ADCY8: variants seen among roughly 807,000 people sequenced by gnomAD.
The protein encoded by ADCY8 is adenylate cyclase type 8.
In ADCY8, 51 loss-of-function variants were observed where a neutral mutation model predicts 119.7. The ratio of observed to expected loss-of-function variants is 0.43; its 90% CI spans 0.34 to 0.54. The LOEUF is 0.54. ADCY8 is among the 20% of genes least tolerant of loss of function. The probability of loss-of-function intolerance (pLI) is 0.03; values close to 1 mark genes in which losing one functional copy is unlikely to be tolerated. For synonymous variants in ADCY8, 665 were observed against 651.0 expected (o/e 1.02, Z -0.33); for missense variants, 1,383 against 1,598.8 (o/e 0.87, Z 2.30).
rs112201208 is a variant in ADCY8 at position 130,976,284 on chromosome 8, G to A, written c.1110+14109C>T. On this transcript the variant is annotated intron_variant, in intron 2 of 17. Transcript: ENST00000286355. ...AAGGCCTTAGAAGGGGCTTGCGAGT[G>A]AAGGCCTTTGAAGCTTAACCATCAT... 4.0e-3 allele frequency among the ~76,000 whole-genome samples: 612 copies of A among 152,298 alleles called. 3 individuals are homozygous for A. The highest frequency in any genetic ancestry group is 0.014 in the African/African-American group (591 of 41,550).
intron 13 of ADCY8, among the ~76,000 whole-genome samples, chr8:130,815,867 A>G (rs575752329): frequency 1.8e-4 from 28 of 152,308 alleles, no homozygotes; most frequent in Non-Finnish European, 4.0e-4. Flanking sequence ...AGATAAACAC[A>G]TGGCACATAG....
intron 6 of ADCY8, among the ~76,000 whole-genome samples, chr8:130,905,126 G>T (rs1819738243): frequency 6.6e-6 from 1 of 152,154 alleles, no homozygotes. Flanking sequence ...TTTGTGTAAG[G>T]TAGTCAAAAC....
intron 15 of ADCY8, among the ~76,000 whole-genome samples, chr8:130,791,440 G>T (rs1815423424): frequency 6.6e-6 from 1 of 152,238 alleles, no homozygotes; most frequent in East Asian, 1.9e-4. Flanking sequence ...GGAAAACTGT[G>T]CTGACCTCTG....
chr8:130,986,785 T>G (rs1049713268), intron 2 of ADCY8, among the ~76,000 whole-genome samples: 1 of 152,216 alleles, frequency 6.6e-6, no homozygotes, highest in Non-Finnish European at 1.5e-5. Context: ...CACTTTGGTG[T>G]ACACAGCACT....
chr8:131,008,497 G>C (rs889417098), intron 1 of ADCY8, among the ~76,000 whole-genome samples: 1 of 152,136 alleles, frequency 6.6e-6, no homozygotes, highest in Non-Finnish European at 1.5e-5. Context: ...CACTATAATT[G>C]TAAGTTTCCT....
rs761539494 is a variant in ADCY8, at chr8:130,814,212, G to T, written c.2770C>A (p.Arg924Ser). 4 of 1,613,946 alleles carry T rather than the reference G, an allele frequency of 2.5e-6. No homozygotes were observed. Among genetic ancestry groups the T allele is most frequent in the Non-Finnish European group, 3.4e-6 (4 of 1,179,984 alleles). Reference protein sequence around the residue: ...YHGQQLEYTARLDFLWRVQAK... With the variant: ...YHGQQLEYTASLDFLWRVQAK... ...TGTACTCGCCAAAGGAAGTCCAGGC[G>T]GGCTGTGTACTCCAGCTGCAGTACA... Residue 924 changes from arginine (R) to serine (S), a missense_variant, in exon 14 of 18, where the codon CGC becomes AGC. Coordinates refer to ENST00000286355, the MANE Select transcript of ADCY8 (RefSeq NM_001115.3).
At chr8:130,864,546 C>A (rs932244623) in intron 9 of ADCY8, among the ~76,000 whole-genome samples, 4 of 152,158 alleles carry the variant, frequency 2.6e-5, no homozygotes, top group African/African-American at 9.6e-5. Flanking sequence ...CCTGCCCAAC[C>A]CCCATTCACT....
chr8:130,842,973 C>T (rs1431474323), intron 11 of ADCY8, among the ~76,000 whole-genome samples: 1 of 151,694 alleles, frequency 6.6e-6, no homozygotes, highest in East Asian at 1.9e-4. Context: ...TATTTTCCTC[C>T]TCCTTTTGAT....
intron 1 of ADCY8, among the ~76,000 whole-genome samples, chr8:130,996,404 AG>A (rs34057975): frequency 6.6e-6 from 1 of 152,068 alleles, no homozygotes; most frequent in Non-Finnish European, 1.5e-5. Flanking sequence ...AAGAGATTAG[AG>A]GGGGGTCTTG....
At chr8:130,882,858 G>A (rs1010510457) in intron 8 of ADCY8, among the ~76,000 whole-genome samples, 1 of 152,164 alleles carries the variant, frequency 6.6e-6, no homozygotes. Context: ...GAGTATCTCG[G>A]TAAGAGTCAG....
intron 8 of ADCY8, among the ~76,000 whole-genome samples, chr8:130,870,970 T>C (rs1014371687): frequency 6.6e-6 from 1 of 152,092 alleles, no homozygotes; most frequent in African/African-American, 2.4e-5. Context: ...AGCATTCTAT[T>C]ATTTTCCTGT....
At chr8:130,801,536 C>A (rs1298773309) in intron 14 of ADCY8, among the ~76,000 whole-genome samples, 1 of 152,212 alleles carries the variant, frequency 6.6e-6, no homozygotes. Context: ...TCTCCCTGCT[C>A]CTCCTCATCT....
At chr8:130,882,421 A>T (rs1233531177) in intron 8 of ADCY8, among the ~76,000 whole-genome samples, 3 of 151,834 alleles carry the variant, frequency 2.0e-5, no homozygotes, top group Non-Finnish European at 4.4e-5. Flanking sequence ...TCTCCTGTAA[A>T]CTCCCTCTCT....
chr8:130,988,570 T>C (rs1822475513), intron 2 of ADCY8, among the ~76,000 whole-genome samples: 1 of 152,204 alleles, frequency 6.6e-6, no homozygotes, highest in Admixed American at 6.5e-5. Context: ...GGTGGAAAGT[T>C]AAGTAGCTTA....
At chr8:130,854,581 T>C (rs1044739266) in intron 9 of ADCY8, among the ~76,000 whole-genome samples, 4 of 152,200 alleles carry the variant, frequency 2.6e-5, no homozygotes, top group Non-Finnish European at 5.9e-5. Context: ...TGAAGAAAGA[T>C]ATTCTAAGCC....
At chr8:130,849,185 A>G (rs763068049) in intron 10 of ADCY8, among the ~76,000 whole-genome samples, 1 of 152,178 alleles carries the variant, frequency 6.6e-6, no homozygotes, top group Non-Finnish European at 1.5e-5. Context: ...TTCCTCAGCC[A>G]TAAAGTGGGG....
chr8:130,848,821 A>G (rs1376098247), intron 10 of ADCY8, among the ~76,000 whole-genome samples: 1 of 152,244 alleles, frequency 6.6e-6, no homozygotes, highest in East Asian at 1.9e-4. Flanking sequence ...CCATGGTACA[A>G]TTCTTGAGAA....
At chr8:130,830,596 G>C (rs1816805342) in intron 12 of ADCY8, among the ~76,000 whole-genome samples, 1 of 152,036 alleles carries the variant, frequency 6.6e-6, no homozygotes, top group African/African-American at 2.4e-5. Context: ...CCCCTCATGT[G>C]TGTCCATATC....
At chr8:130,984,777 G>A (rs1177376458) in intron 2 of ADCY8, among the ~76,000 whole-genome samples, 3 of 152,184 alleles carry the variant, frequency 2.0e-5, no homozygotes, top group African/African-American at 7.2e-5. Context: ...CAGAGAAAGA[G>A]GAGTACTTTT....
Sources: gnomAD v4.1 joint callset for allele counts (sites outside exome capture counted in the v4.1 genomes callset) on GRCh38, gnomAD v4.1.1 for gene constraint, MANE v1.5 for transcripts, NCBI Gene and HGNC (gene_info 2026-07-23, HGNC 2026-07-21) for gene names.